The following ZNF596 variants were observed in gnomAD, a reference collection of about 807,000 sequenced individuals.
ZNF596 encodes the protein zinc finger protein 596.
A neutral mutation model predicts 48.3 loss-of-function variants in ZNF596; 45 were observed. The ratio of observed to expected loss-of-function variants is 0.93; its 90% CI spans 0.73 to 1.19. ZNF596 has a LOEUF of 1.19. Ranked by LOEUF, ZNF596 falls within the 50% of genes most tolerant of loss-of-function variation. The pLI, the probability that ZNF596 is intolerant of heterozygous loss-of-function variation, is 0.00. For synonymous variants in ZNF596, 270 were observed against 202.0 expected (o/e 1.34, Z -2.85); for missense variants, 848 against 599.7 (o/e 1.41, Z -4.32).
chr8:234,687 T>G (rs1796553385), intron 1 of ZNF596: 1 of 152,208 alleles, frequency 6.6e-6, no homozygotes, highest in Admixed American at 6.5e-5. Context: ...CCTAACACAT[T>G]TCCCAACTCA....
In ZNF596 at chr8:246,030, G is replaced by T; in HGVS notation, c.1183G>T (p.Val395Leu). 1.2e-6 allele frequency: 2 copies of T among 1,611,500 alleles called. No individual in the cohort carries two copies. The highest frequency in any genetic ancestry group is 1.7e-6 in the Non-Finnish European group (2 of 1,179,296). Residue 395 changes from valine to leucine, a missense_variant, in exon 6 of 6, where the codon GTA (valine) becomes TTA (leucine). Coordinates refer to ENST00000398612, the MANE Select transcript of ZNF596 (RefSeq NM_001042416.3). Reference protein sequence around the residue: ...HTGEKPYECHVCGKAFTESSD... With the variant: ...HTGEKPYECHLCGKAFTESSD... Reference sequence around the variant, plus strand: ...TGGAGAGAAACCATATGAGTGCCATGTATGTGGGAAAGCCTTCACTGAATC... The same window carrying T: ...TGGAGAGAAACCATATGAGTGCCATTTATGTGGGAAAGCCTTCACTGAATC...
At position 240,850 on chromosome 8, in the gene ZNF596, G is replaced by C. The variant is rs779168179; in HGVS notation, c.-46G>C. 2.5e-6 allele frequency: 4 copies of C among 1,612,958 alleles called. No individual in the cohort carries two copies. The highest frequency in any genetic ancestry group is 3.4e-6 in the Non-Finnish European group (4 of 1,178,972). On this transcript the variant is annotated 5_prime_UTR_variant, in exon 2 of 6. Coordinates refer to ENST00000398612, the MANE Select transcript of ZNF596 (RefSeq NM_001042416.3). ...TTTGTCTTCTTAGTGCTTGGATGGT[G>C]TGAGTGAAAACCCAGAGGAATACAT... is the stretch of plus-strand genomic sequence containing the variant.
chr8:235,029 AC>A (rs1485455470), intron 1 of ZNF596: 1 of 152,228 alleles, frequency 6.6e-6, no homozygotes, highest in African/African-American at 2.4e-5. Context: ...GAAGCTTAAA[AC>A]AATGAATCAG....
intron 1 of ZNF596, 194 bp from the exon 2 acceptor site, chr8:240,630 A>T: frequency 2.2e-6 from 1 of 461,162 alleles, no homozygotes; most frequent in Middle Eastern, 5.7e-4. Flanking sequence ...GGTCTAAAAT[A>T]AAAATATTTA....
intron 1 of ZNF596, chr8:233,364 T>C: frequency 3.0e-6 from 1 of 332,828 alleles, no homozygotes; most frequent in South Asian, 2.7e-5. Flanking sequence ...AAATTTATTG[T>C]GTCAGGTTCA....
At chr8:242,433 C>G (rs1796889877) in intron 2 of ZNF596, among the ~76,000 whole-genome samples, 1 of 147,356 alleles carries the variant, frequency 6.8e-6, no homozygotes, top group Non-Finnish European at 1.5e-5. Flanking sequence ...CATAACAGGT[C>G]TTTATTTTAT....
At chr8:241,773 T>G (rs1284958890) in intron 2 of ZNF596, among the ~76,000 whole-genome samples, 1 of 152,018 alleles carries the variant, frequency 6.6e-6, no homozygotes, top group Non-Finnish European at 1.5e-5. Context: ...TACCTGATAG[T>G]GGGTAATTTA....
intron 1 of ZNF596, chr8:234,343 C>A (rs972542068): frequency 6.6e-5 from 10 of 152,168 alleles, no homozygotes; most frequent in African/African-American, 2.4e-4. Context: ...GAAAAACTCA[C>A]CTGTTGGTCT....
chr8:239,954 A>C (rs1276578743), intron 1 of ZNF596, among the ~76,000 whole-genome samples: 1 of 152,134 alleles, frequency 6.6e-6, no homozygotes, highest in Non-Finnish European at 1.5e-5. Context: ...ATCACCTATG[A>C]AGTTCCAAGG....
At chr8:235,190 C>T (rs1022211843) in intron 1 of ZNF596, among the ~76,000 whole-genome samples, 2 of 152,170 alleles carry the variant, frequency 1.3e-5, no homozygotes, top group African/African-American at 2.4e-5. Context: ...ACCTAAGTGT[C>T]TAACAGGAGG....
At position 245,500 on chromosome 8, in the gene ZNF596, C is replaced by T. The variant is rs767382407; in HGVS notation, c.653C>T (p.Thr218Ile). 2 of 1,614,172 alleles carry T rather than the reference C, an allele frequency of 1.2e-6. No homozygotes were observed. The highest frequency in any genetic ancestry group is 1.7e-6 in the Non-Finnish European group (2 of 1,180,010). The change falls in exon 6 of 6, where the codon ACT (threonine) becomes ATT (isoleucine). Residue 218 changes from threonine (T) to isoleucine (I), a missense_variant. By Grantham distance (89) the Thr-to-Ile change is moderately conservative. Coordinates refer to ENST00000398612, the MANE Select transcript of ZNF596 (RefSeq NM_001042416.3). ...CTTAGGCGACATGAGATGATTCACACTGGAGAGAAACCACACGGATGTCAT... is the reference window on the plus strand; with the variant it reads ...CTTAGGCGACATGAGATGATTCACATTGGAGAGAAACCACACGGATGTCAT... ...SNLRRHEMIHTGEKPHGCHLC... is the reference protein window; with the variant it reads ...SNLRRHEMIHIGEKPHGCHLC...
chr8:232,695 G>C lies in ZNF596; in HGVS notation c.-73+1G>C, dbSNP rs1172389929. The C allele has an allele frequency of 5.1e-6, 2 of 388,536 alleles. No homozygotes were observed. Among genetic ancestry groups the C allele is most frequent in the African/African-American group, 2.1e-5 (1 of 46,694 alleles). 24.1% of individuals were successfully genotyped at this position (388,536 alleles called of 1,614,324 possible). ...CCCATCCTATCGCGCGCGGCCTCAG[G>C]TCCCGATTCGGCATGTGGCTTGTCT... is the stretch of plus-strand genomic sequence containing the variant. On this transcript the variant is annotated splice_donor_variant, in intron 1 of 5. Transcript: ENST00000398612. LOFTEE classifies it low-confidence loss of function (5UTR_SPLICE).
rs188566528 is a variant in ZNF596 at position 242,656 on chromosome 8, T to C, written c.13-231T>C. Among the ~76,000 whole-genome samples, 861 of 152,154 alleles carry C rather than the reference T, an allele frequency of 5.7e-3. 27 individuals are homozygous for C. Among genetic ancestry groups the C allele is most frequent in the Non-Finnish European group, 4.0e-3 (274 of 68,018 alleles). ...AGTCTATTGGGAAATCTTCAGGTTA[T>C]ATTATGCCACACCACATGTGATATT... On this transcript the variant is annotated intron_variant, in intron 2 of 5. Coordinates refer to ENST00000398612, the MANE Select transcript of ZNF596 (RefSeq NM_001042416.3).
At chr8:243,306 G>T in intron 3 of ZNF596, 2 of 295,378 alleles carry the variant, frequency 6.8e-6, no homozygotes, top group Non-Finnish European at 1.3e-5. Flanking sequence ...CACTGCTTTG[G>T]TATGCATAAA....
intron 4 of ZNF596, chr8:244,409 T>G: frequency 1.8e-6 from 1 of 553,030 alleles, no homozygotes; most frequent in South Asian, 2.4e-5. Context: ...AAAATTTTTC[T>G]TTCCTTCCTC....
At chr8:236,220 T>C (rs1388043860) in intron 1 of ZNF596, among the ~76,000 whole-genome samples, 1 of 152,252 alleles carries the variant, frequency 6.6e-6, no homozygotes, top group African/African-American at 2.4e-5. Context: ...TGTTTGCTTT[T>C]TTTAAGGACT....
intron 3 of ZNF596, 50 bp downstream of exon 3, chr8:243,063 ACT>A (rs764833070): frequency 9.2e-6 from 14 of 1,523,452 alleles, no homozygotes; most frequent in Non-Finnish European, 1.2e-5. Flanking sequence ...TCATTCACTC[ACT>A]CATTTTTCAC....
At chr8:240,793 T>C (rs1309658753) in intron 1 of ZNF596, 31 bp from the exon 2 acceptor site, 1 of 1,471,836 alleles carries the variant, frequency 6.8e-7, no homozygotes, top group Non-Finnish European at 9.5e-7. Context: ...AGTGTCATGG[T>C]TTTTTTGTTT....
intron 2 of ZNF596, 27 bp downstream of exon 2, chr8:240,934 G>A (rs770883996): frequency 1.2e-6 from 2 of 1,613,890 alleles, no homozygotes; most frequent in Non-Finnish European, 1.7e-6. Context: ...TCTTTCTACT[G>A]AAATTTGTAC....
Sources: gnomAD v4.1 joint callset for allele counts (sites outside exome capture counted in the v4.1 genomes callset) on GRCh38, gnomAD v4.1.1 for gene constraint, MANE v1.5 for transcripts, NCBI Gene and HGNC (gene_info 2026-07-23, HGNC 2026-07-21) for gene names.